LCLAT1: variants seen among roughly 807,000 people sequenced by gnomAD.
LCLAT1 encodes 1-AGP acyltransferase 8.
In LCLAT1, 11 loss-of-function variants were observed where a neutral mutation model predicts 30.7. The ratio of observed to expected loss-of-function variants is 0.36; its 90% CI spans 0.23 to 0.59. LCLAT1 has a LOEUF of 0.59. LCLAT1 is among the 20% of genes least tolerant of loss of function. The pLI, the probability that LCLAT1 is intolerant of heterozygous loss-of-function variation, is 0.77. For synonymous variants in LCLAT1, 155 were observed against 151.3 expected (o/e 1.02, Z -0.18); for missense variants, 402 against 458.6 (o/e 0.88, Z 1.13).
intron 5 of LCLAT1, chr2:30,607,150 G>A (rs1667483799): frequency 6.6e-6 from 1 of 151,850 alleles, no homozygotes; most frequent in Non-Finnish European, 1.5e-5. Context: ...ATGTATATTA[G>A]TTCAACCATT....
chr2:30,584,764 A>T (rs1188748134), intron 5 of LCLAT1, among the ~76,000 whole-genome samples: 1 of 152,174 alleles, frequency 6.6e-6, no homozygotes, highest in Non-Finnish European at 1.5e-5. Context: ...ATCCATAAAA[A>T]CTGGCTATAT....
At chr2:30,550,321 A>G (rs938011545) in intron 3 of LCLAT1, among the ~76,000 whole-genome samples, 2 of 152,208 alleles carry the variant, frequency 1.3e-5, no homozygotes, top group African/African-American at 2.4e-5. Flanking sequence ...ACTATTAACA[A>G]TGGACTTTAT....
At chr2:30,554,906 AGC>A (rs1192214120) in intron 3 of LCLAT1, among the ~76,000 whole-genome samples, 1 of 152,182 alleles carries the variant, frequency 6.6e-6, no homozygotes, top group African/African-American at 2.4e-5. Context: ...CAGAACTTCC[AGC>A]TGAAAATATG....
chr2:30,487,772 G>C (rs1683635222), intron 1 of LCLAT1, among the ~76,000 whole-genome samples: 1 of 152,122 alleles, frequency 6.6e-6, no homozygotes, highest in Non-Finnish European at 1.5e-5. Context: ...GTGACTCTTG[G>C]GCTAAGTGCT....
chr2:30,593,852 G>A (rs1017469089), intron 5 of LCLAT1, among the ~76,000 whole-genome samples: 6 of 151,504 alleles, frequency 4.0e-5, no homozygotes, highest in African/African-American at 1.5e-4. Context: ...GAGCCCAGGA[G>A]GTGGAGGCTG....
chr2:30,550,954 G>A (rs1427969900), intron 3 of LCLAT1, among the ~76,000 whole-genome samples: 2 of 152,040 alleles, frequency 1.3e-5, no homozygotes, highest in Non-Finnish European at 2.9e-5. Flanking sequence ...TTTTGCTGCT[G>A]AAAGTAATGG....
At chr2:30,616,400 GTGTA>G (rs1458539955) in intron 5 of LCLAT1, among the ~76,000 whole-genome samples, 1 of 152,076 alleles carries the variant, frequency 6.6e-6, no homozygotes, top group African/African-American at 2.4e-5. Context: ...GCAAGAGTGT[GTGTA>G]TGTGTTTGTT....
intron 1 of LCLAT1, among the ~76,000 whole-genome samples, chr2:30,460,174 C>CG (rs1682042136): frequency 6.6e-6 from 1 of 152,166 alleles, no homozygotes; most frequent in East Asian, 1.9e-4. Flanking sequence ...GGGAGTCCAG[C>CG]GGGGGTTCAT....
chr2:30,599,011 T>G (rs1667059397), intron 5 of LCLAT1, among the ~76,000 whole-genome samples: 1 of 142,802 alleles, frequency 7.0e-6, no homozygotes, highest in African/African-American at 2.6e-5. Context: ...ATAGATAGAG[T>G]CTCACTCTGG....
chr2:30,639,384 T>TGCTGAAAACACA (rs1553391143), intron 5 of LCLAT1, among the ~76,000 whole-genome samples: 1 of 3,072 alleles, frequency 3.3e-4, no homozygotes, highest in Non-Finnish European at 5.3e-4. Context: ...TCTGGCCTGT[T>TGCTGAAAACACA]TAAGTGAAAA....
chr2:30,521,681 A>G (rs1344446169), intron 1 of LCLAT1, among the ~76,000 whole-genome samples: 1 of 150,922 alleles, frequency 6.6e-6, no homozygotes, highest in Non-Finnish European at 1.5e-5. Flanking sequence ...TAATTTTTGT[A>G]TTTTTAGTAG....
intron 5 of LCLAT1, among the ~76,000 whole-genome samples, chr2:30,588,747 C>T (rs542645604): frequency 5.7e-4 from 86 of 152,114 alleles, no homozygotes; most frequent in African/African-American, 9.9e-4. Context: ...ATTACAGGCA[C>T]GTGCCACCAC....
chr2:30,518,814 C>T (rs1685323911), intron 1 of LCLAT1, among the ~76,000 whole-genome samples: 2 of 152,236 alleles, frequency 1.3e-5, no homozygotes, highest in Non-Finnish European at 2.9e-5. Context: ...TTCGAACCAA[C>T]ATCTCAACTC....
intron 5 of LCLAT1, among the ~76,000 whole-genome samples, chr2:30,575,335 C>T (rs1256532993): frequency 1.3e-5 from 2 of 151,722 alleles, no homozygotes; most frequent in Admixed American, 1.3e-4. Flanking sequence ...GTTTTTATAT[C>T]TGAGGTCCTA....
At chr2:30,488,307 G>C (rs1683658569) in intron 1 of LCLAT1, among the ~76,000 whole-genome samples, 1 of 152,188 alleles carries the variant, frequency 6.6e-6, no homozygotes, top group Non-Finnish European at 1.5e-5. Context: ...ACTAAAATTT[G>C]GTCATGTGTG....
intron 5 of LCLAT1, among the ~76,000 whole-genome samples, chr2:30,618,257 A>G (rs894545761): frequency 2.6e-5 from 4 of 152,082 alleles, no homozygotes; most frequent in African/African-American, 7.2e-5. Flanking sequence ...GTTCCTTTGC[A>G]CATCTATATA....
intron 1 of LCLAT1, among the ~76,000 whole-genome samples, chr2:30,491,181 A>G (rs1261799936): frequency 6.6e-6 from 1 of 152,226 alleles, no homozygotes; most frequent in African/African-American, 2.4e-5. Context: ...AGAAGACAGT[A>G]TGTATCTGGT....
intron 3 of LCLAT1, among the ~76,000 whole-genome samples, chr2:30,537,521 T>TCC (rs1553370482): frequency 6.7e-6 from 1 of 149,106 alleles, no homozygotes; most frequent in Non-Finnish European, 1.5e-5. Flanking sequence ...CAATTGTAAA[T>TCC]ACACACACAC....
At chr2:30,516,475 A>G (rs1685190276) in intron 1 of LCLAT1, among the ~76,000 whole-genome samples, 1 of 152,154 alleles carries the variant, frequency 6.6e-6, no homozygotes, top group African/African-American at 2.4e-5. Context: ...CTGCGCGGCT[A>G]AGTGCATGCA....
Sources: gnomAD v4.1 joint callset for allele counts (sites outside exome capture counted in the v4.1 genomes callset) on GRCh38, gnomAD v4.1.1 for gene constraint, MANE v1.5 for transcripts, NCBI Gene and HGNC (gene_info 2026-07-23, HGNC 2026-07-21) for gene names.